Variants in BDP1 observed in about 807,000 individuals in gnomAD.
BDP1 encodes BDP1 general transcription factor IIIB subunit, also known as transcription factor TFIIIB component B'' homolog.
Under a neutral mutation model 266.6 loss-of-function variants are expected in BDP1, and 169 were observed. The observed-to-expected ratio is 0.63, with a 90% CI of 0.56 to 0.72. BDP1 has a LOEUF of 0.72. Among genes scored for constraint, BDP1 ranks in the 30% least tolerant of loss-of-function variants. The pLI is 0.00. For synonymous variants in BDP1, 1,090 were observed against 1,022.4 expected, an observed-to-expected ratio of 1.07 and a Z score of -1.26; for missense variants, 3,015 against 3,053.8, an observed-to-expected ratio of 0.99 and a Z score of 0.30.
At chr5:71,551,650 C>T (rs1314663050) in intron 34 of BDP1, among the ~76,000 whole-genome samples, 2 of 152,290 alleles carry the variant, frequency 1.3e-5, no homozygotes, top group South Asian at 2.1e-4. Context: ...GGGTGGTGGC[C>T]GGGCAGAGGG....
chr5:71,542,402 A>G (rs987987976), intron 30 of BDP1, 137 bp downstream of exon 30: 7 of 781,878 alleles, frequency 9.0e-6, no homozygotes, highest in Admixed American at 3.2e-5. Context: ...AAGACGAGCT[A>G]TAAAATAAAT....
At chr5:71,537,062 A>G (rs564427830) in intron 26 of BDP1, among the ~76,000 whole-genome samples, 141 of 151,146 alleles carry the variant, frequency 9.3e-4, no homozygotes, top group African/African-American at 3.3e-3. Context: ...CAGGAGGCGA[A>G]GACTGCAGTG....
intron 30 of BDP1, 26 bp downstream of exon 30, chr5:71,542,291 G>A (rs1355025088): frequency 1.3e-6 from 2 of 1,555,932 alleles, no homozygotes; most frequent in African/African-American, 1.4e-5. Flanking sequence ...TTAATATGTT[G>A]CAAAATCATT....
chr5:71,501,770 T>C (rs1465741364), intron 14 of BDP1, 117 bp downstream of exon 14: 3 of 664,592 alleles, frequency 4.5e-6, no homozygotes, highest in East Asian at 5.4e-5. Context: ...CAGCATACTT[T>C]AAGTTCGTTT....
At chr5:71,508,993 G>A (rs1764741127) in intron 16 of BDP1, among the ~76,000 whole-genome samples, 1 of 152,208 alleles carries the variant, frequency 6.6e-6, no homozygotes, top group Non-Finnish European at 1.5e-5. Flanking sequence ...GACCTCATTT[G>A]TAGTCCTAAG....
chr5:71,539,542 A>G lies in BDP1; in HGVS notation c.5930-15A>G, dbSNP rs531022512. ...ATTCATTCTTTTTTTTAATGTTGAT[A>G]TATTTCCTCACAAGGTACCAATGAT... is the stretch of plus-strand genomic sequence containing the variant. On this transcript the variant is annotated splice_polypyrimidine_tract_variant and intron_variant, in intron 27 of 38. Coordinates refer to ENST00000358731, the MANE Select transcript of BDP1 (RefSeq NM_018429.3). 23 of 1,583,536 alleles carry G rather than the reference A, an allele frequency of 1.5e-5. No individual in the cohort carries two copies. The highest frequency in any genetic ancestry group is 4.5e-5 in the East Asian group (2 of 44,640).
chr5:71,533,491 G>A (rs1303718463), intron 26 of BDP1, among the ~76,000 whole-genome samples: 4 of 135,360 alleles, frequency 3.0e-5, no homozygotes, highest in African/African-American at 1.1e-4. Context: ...TTTTTGAGAC[G>A]GCCTTGCATT....
intron 38 of BDP1, 67 bp from the exon 39 acceptor site, chr5:71,564,685 TAC>T (rs947951883): frequency 2.2e-6 from 3 of 1,336,686 alleles, no homozygotes; most frequent in Non-Finnish European, 3.1e-6. Flanking sequence ...CTGCTATATA[TAC>T]ACACACATAT....
intron 6 of BDP1, among the ~76,000 whole-genome samples, chr5:71,468,669 C>T (rs1423575625): frequency 3.4e-5 from 5 of 147,412 alleles, no homozygotes; most frequent in Admixed American, 1.4e-4. Flanking sequence ...TGCGGTGGCG[C>T]GATCTCGGCT....
chr5:71,457,310 T>G (rs1358094928), intron 1 of BDP1, among the ~76,000 whole-genome samples: 1 of 151,334 alleles, frequency 6.6e-6, no homozygotes. Flanking sequence ...GAAAGTGGTT[T>G]TTTTTTTTTT....
At chr5:71,456,220 T>C in intron 1 of BDP1, 131 bp downstream of exon 1, 2 of 851,714 alleles carry the variant, frequency 2.3e-6, no homozygotes, top group Non-Finnish European at 3.6e-6. Flanking sequence ...TGAGGCTTGA[T>C]GAAACCACTC....
chr5:71,463,487 C>T (rs1388145429), intron 3 of BDP1, among the ~76,000 whole-genome samples: 1 of 152,012 alleles, frequency 6.6e-6, no homozygotes, highest in East Asian at 1.9e-4. Context: ...TGCTTCATGC[C>T]TTGGGATTGG....
chr5:71,566,769 A>G lies in BDP1; in HGVS notation c.*1884A>G, dbSNP rs973674417. ...CTGTATGGATGAGTTATTTGTCACT[A>G]AAGTTATGAGTTGTGCCTAAAAGTT... On this transcript the variant is annotated 3_prime_UTR_variant, in exon 39 of 39. Transcript: ENST00000358731. 1.3e-5 allele frequency: 2 copies of G among 152,230 alleles called. No individual in the cohort carries two copies. The highest frequency in any genetic ancestry group is 2.4e-5 in the African/African-American group (1 of 41,474). 9.4% of individuals were successfully genotyped at this position (152,230 alleles called of 1,614,324 possible).
intron 25 of BDP1, among the ~76,000 whole-genome samples, chr5:71,525,046 A>C (rs1452732240): frequency 6.6e-6 from 1 of 152,110 alleles, no homozygotes; most frequent in Non-Finnish European, 1.5e-5. Flanking sequence ...TTCTACACAG[A>C]CACGGCAACC....
intron 26 of BDP1, among the ~76,000 whole-genome samples, chr5:71,537,270 G>A (rs1173364610): frequency 2.6e-5 from 4 of 151,166 alleles, no homozygotes; most frequent in African/African-American, 9.7e-5. Flanking sequence ...ATAGTGGAAT[G>A]TTAAGATGAT....
chr5:71,484,759 T>A (rs1381041909), intron 8 of BDP1, among the ~76,000 whole-genome samples: 2 of 152,158 alleles, frequency 1.3e-5, no homozygotes, highest in Admixed American at 6.5e-5. Context: ...TTTTGTGGAT[T>A]TACAATTATC....
At position 71,502,740 on chromosome 5, in the gene BDP1, A is replaced by G. The variant is rs200662172; in HGVS notation, c.2190A>G (p.Glu730=). 1,380 of 1,613,996 alleles carry G rather than the reference A, an allele frequency of 8.6e-4. 2 individuals carry two copies. The highest frequency in any genetic ancestry group is 1.0e-3 in the Non-Finnish European group (1,222 of 1,179,988). Residue 730 remains glutamate, a synonymous_variant, in exon 15 of 39, where the codon GAA becomes GAG. Coordinates refer to ENST00000358731, the MANE Select transcript of BDP1 (RefSeq NM_018429.3). ...AAGAAATTCTCATATCACAGGAAGA[A>G]ATTGGGGCCAATGTAGAGAAGAATG... ...ERKEILISQE[E]IGANVEKNEN... is the part of the protein sequence containing the mutation.
At chr5:71,463,958 A>G (rs1761730464) in intron 3 of BDP1, 100 bp from the exon 4 acceptor site, 1 of 704,206 alleles carries the variant, frequency 1.4e-6, no homozygotes, top group Admixed American at 3.2e-5. Context: ...ATATATCATT[A>G]AAAATTAGAA....
intron 7 of BDP1, among the ~76,000 whole-genome samples, chr5:71,471,324 TAG>T (rs1194044244): frequency 2.0e-5 from 3 of 151,934 alleles, no homozygotes; most frequent in Admixed American, 6.6e-5. Flanking sequence ...TTATTTTTCG[TAG>T]AGAGGGGGTT....
Sources: gnomAD v4.1 joint callset for allele counts (sites outside exome capture counted in the v4.1 genomes callset) on GRCh38, gnomAD v4.1.1 for gene constraint, MANE v1.5 for transcripts, NCBI Gene and HGNC (gene_info 2026-07-23, HGNC 2026-07-21) for gene names.